The following SKA2 variants were observed in gnomAD, a reference collection of about 807,000 sequenced individuals.
The protein encoded by SKA2 is spindle and kinetochore associated complex subunit 2, also known as spindle and kinetochore-associated protein 2.
Under a neutral mutation model 16.9 loss-of-function variants are expected in SKA2, and 13 were observed. The ratio of observed to expected loss-of-function variants is 0.77; its 90% confidence interval spans 0.50 to 1.22. The LOEUF (loss-of-function observed/expected upper bound fraction) is 1.22, where lower values mean the gene tolerates loss of function less well. SKA2 is among the 50% of genes most tolerant of loss of function. The pLI, the probability that SKA2 is intolerant of heterozygous loss-of-function variation, is 0.00. For missense variants in SKA2, 107 were observed against 139.7 expected, an observed-to-expected ratio of 0.77 and a Z score of 1.18; for synonymous variants, 47 against 48.5, an observed-to-expected ratio of 0.97 and a Z score of 0.13.
At position 59,116,810 on chromosome 17, in the gene SKA2, C is replaced by CTTTTT. The variant is rs909458290; in HGVS notation, c.297+2504_297+2508dup. On this transcript the variant is annotated intron_variant, in intron 3 of 3. Coordinates refer to ENST00000330137, the MANE Select transcript of SKA2 (RefSeq NM_182620.4). ...AGGCCTTAGCTCTATCTGCCTTTGG[C>CTTTTT]TTTTTTTTTTTTTTTTTTTTTTTTT... 1.7e-4 allele frequency among the ~76,000 whole-genome samples: 13 copies of CTTTTT among 75,300 alleles called. 1 individual carries two copies. Among genetic ancestry groups the CTTTTT allele is most frequent in the South Asian group, 5.8e-4 (1 of 1,728 alleles). 49.4% of individuals were successfully genotyped at this position (75,300 alleles called of 152,430 possible). A position where few individuals can be genotyped will look rare whatever the true frequency, so the allele number is the denominator to read the frequency against.
At chr17:59,124,974 C>CTT (rs35130048) in intron 2 of SKA2, among the ~76,000 whole-genome samples, 22,217 of 134,972 alleles carry the variant, frequency 0.16, 2,095 homozygotes, top group Non-Finnish European at 0.21. Flanking sequence ...CCACTACATT[C>CTT]TTTTTTTTTT....
rs182007651 is a variant in SKA2 at position 59,142,391 on chromosome 17, A to G, written c.34-11024T>C. ...CCGCAACCTCTGCCTCCTGGGTTCAAGCGATTCTCCTGCCTCAGCCTCCCA... is the reference window on the plus strand; with the variant it reads ...CCGCAACCTCTGCCTCCTGGGTTCAGGCGATTCTCCTGCCTCAGCCTCCCA... On this transcript the variant is annotated intron_variant, in intron 1 of 3. Transcript: ENST00000330137. Among the ~76,000 whole-genome samples, 465 of 151,240 alleles carry G rather than the reference A, an allele frequency of 3.1e-3. 2 individuals are homozygous for G. The highest frequency in any genetic ancestry group is 0.01 in the African/African-American group (433 of 41,252).
chr17:59,153,066 A>T (rs2046589578), intron 1 of SKA2, among the ~76,000 whole-genome samples: 1 of 152,200 alleles, frequency 6.6e-6, no homozygotes, highest in Non-Finnish European at 1.5e-5. Flanking sequence ...CTTAAAAGAG[A>T]ATTTGTTCAA....
intron 1 of SKA2, 80 bp downstream of exon 1, chr17:59,155,051 C>A: frequency 6.2e-7 from 1 of 1,613,974 alleles, no homozygotes; most frequent in East Asian, 2.2e-5. Context: ...GAGTTTCCGG[C>A]GACTCCAAAT....
chr17:59,135,310 CTTTT>C (rs71145527), intron 1 of SKA2, among the ~76,000 whole-genome samples: 2 of 126,128 alleles, frequency 1.6e-5, no homozygotes, highest in African/African-American at 2.8e-5. Context: ...ACTAAACTGT[CTTTT>C]TTTTTTTTTT....
intron 1 of SKA2, among the ~76,000 whole-genome samples, chr17:59,136,831 G>A (rs12950231): frequency 6.6e-6 from 1 of 152,122 alleles, no homozygotes; most frequent in Non-Finnish European, 1.5e-5. Context: ...ACAGGTGTGA[G>A]CTACCACGCC....
At chr17:59,128,613 G>A (rs2046387568) in intron 2 of SKA2, among the ~76,000 whole-genome samples, 1 of 147,938 alleles carries the variant, frequency 6.8e-6, no homozygotes, top group Non-Finnish European at 1.5e-5. Flanking sequence ...GTGACAGAGC[G>A]AGACTCGGTC....
At chr17:59,130,457 C>CAAAAAAAAAAAAA (rs569934567) in intron 2 of SKA2, among the ~76,000 whole-genome samples, 2 of 70,392 alleles carry the variant, frequency 2.8e-5, no homozygotes, top group African/African-American at 4.6e-5. Flanking sequence ...ACTAAAAATA[C>CAAAAAAAAAAAAA]AAAAAAAAAA....
rs548482267 is a variant in SKA2, at chr17:59,142,820, G to C, written c.34-11453C>G. 5.2e-4 allele frequency among the ~76,000 whole-genome samples: 79 copies of C among 151,380 alleles called. 1 individual carries two copies. Among genetic ancestry groups the C allele is most frequent in the South Asian group, 4.2e-4 (2 of 4,770 alleles). On this transcript the variant is annotated intron_variant, in intron 1 of 3. Transcript: ENST00000330137. ...TGGGCACCTGTAATCCCAGCTACTC[G>C]GGAGGCTGAGGCTGGAGAATTGCTT...
intron 2 of SKA2, chr17:59,124,249 G>C (rs2147800289): frequency 6.6e-6 from 1 of 152,080 alleles, no homozygotes; most frequent in Non-Finnish European, 1.5e-5. Flanking sequence ...AGTAAACATG[G>C]CAAAACCCCA....
chr17:59,145,680 C>G (rs1456562392), intron 1 of SKA2, among the ~76,000 whole-genome samples: 1 of 152,090 alleles, frequency 6.6e-6, no homozygotes, highest in Non-Finnish European at 1.5e-5. Context: ...GCCTCTGTTA[C>G]TAGCCCGATC....
intron 1 of SKA2, among the ~76,000 whole-genome samples, chr17:59,144,612 C>T (rs1479729782): frequency 6.6e-6 from 1 of 151,966 alleles, no homozygotes; most frequent in Non-Finnish European, 1.5e-5. Context: ...CAATATGCTG[C>T]CACAAAAAAA....
chr17:59,114,337 T>C (rs1280302026), intron 3 of SKA2, among the ~76,000 whole-genome samples: 11 of 152,162 alleles, frequency 7.2e-5, no homozygotes, highest in Non-Finnish European at 1.6e-4. Flanking sequence ...GAGAAATGCA[T>C]CGTTAGGCAG....
Position 59,126,250 on chromosome 17 carries a change from A to G in SKA2, c.120+5031T>C, listed in dbSNP as rs144448254. On this transcript the variant is annotated intron_variant, in intron 2 of 3. Transcript: ENST00000330137. ...TGGAACAAATAAAGTTGAAGAATATAGTAATAGAAACTTATAGTTTCTTGT... is the reference window on the plus strand; with the variant it reads ...TGGAACAAATAAAGTTGAAGAATATGGTAATAGAAACTTATAGTTTCTTGT... Among the ~76,000 whole-genome samples the G allele has an allele frequency of 1.2e-4, 18 of 152,352 alleles. No homozygotes were observed. In the East Asian group the frequency reaches 2.9e-3, roughly 24 times the overall value.
intron 3 of SKA2, among the ~76,000 whole-genome samples, chr17:59,117,338 A>AT (rs1391463584): frequency 9.2e-5 from 14 of 152,156 alleles, no homozygotes. Flanking sequence ...CTCTCAGAAG[A>AT]TTAAGTTTCA....
chr17:59,118,797 C>A (rs1387273646), intron 3 of SKA2, among the ~76,000 whole-genome samples: 1 of 152,140 alleles, frequency 6.6e-6, no homozygotes, highest in Non-Finnish European at 1.5e-5. Flanking sequence ...ATAAAGTATT[C>A]TTGATCAAAC....
At chr17:59,145,139 A>G (rs1456989526) in intron 1 of SKA2, among the ~76,000 whole-genome samples, 2 of 152,162 alleles carry the variant, frequency 1.3e-5, no homozygotes, top group South Asian at 4.1e-4. Context: ...ATGGAGATGG[A>G]TGATGGTGAT....
chr17:59,142,679 C>A (rs971661453), intron 1 of SKA2, among the ~76,000 whole-genome samples: 2 of 151,346 alleles, frequency 1.3e-5, no homozygotes, highest in Non-Finnish European at 2.9e-5. Flanking sequence ...GTAATCCCAG[C>A]ACTCTGGGAA....
intron 3 of SKA2, among the ~76,000 whole-genome samples, chr17:59,115,047 C>G (rs1290094122): frequency 6.9e-6 from 1 of 144,904 alleles, no homozygotes; most frequent in Non-Finnish European, 1.5e-5. Flanking sequence ...TTTTTTCGTT[C>G]TTTCTTCCTT....
Sources: gnomAD v4.1 joint callset for allele counts (sites outside exome capture counted in the v4.1 genomes callset) on GRCh38, gnomAD v4.1.1 for gene constraint, MANE v1.5 for transcripts, NCBI Gene and HGNC (gene_info 2026-07-23, HGNC 2026-07-21) for gene names.